LRMDA: variants seen among roughly 807,000 people sequenced by gnomAD.
The protein encoded by LRMDA is leucine rich melanocyte differentiation associated.
A neutral mutation model predicts 29.8 loss-of-function variants in LRMDA; 18 were observed. The observed-to-expected ratio is 0.60, with a 90% CI of 0.42 to 0.90. LRMDA has a LOEUF of 0.90. Among genes scored for constraint, LRMDA ranks in the 40% least tolerant of loss-of-function variants. The pLI, the probability that LRMDA is intolerant of heterozygous loss-of-function variation, is 0.00. For missense variants in LRMDA, 273 were observed against 273.9 expected (o/e 1.00, Z 0.02); for synonymous variants, 125 against 109.4 (o/e 1.14, Z -0.89).
chr10:75,707,268 A>G (rs1207623300), intron 2 of LRMDA, among the ~76,000 whole-genome samples: 3 of 152,178 alleles, frequency 2.0e-5, no homozygotes, highest in Non-Finnish European at 2.9e-5. Flanking sequence ...AGAAAAGAGA[A>G]TGGCCTTGCT....
chr10:76,021,388 C>A (rs11001586), intron 2 of LRMDA, among the ~76,000 whole-genome samples: 13,888 of 152,204 alleles, frequency 0.091, 903 homozygotes, highest in East Asian at 0.24. Flanking sequence ...AGGAATAAAA[C>A]CTAGAGGTCT....
chr10:75,500,173 G>T (rs1170409349), intron 2 of LRMDA, among the ~76,000 whole-genome samples: 1 of 152,106 alleles, frequency 6.6e-6, no homozygotes, highest in African/African-American at 2.4e-5. Flanking sequence ...AACCCCTGTT[G>T]CTCCTTACAG....
chr10:76,256,656 CA>C (rs1852599250), intron 5 of LRMDA, among the ~76,000 whole-genome samples: 1 of 152,168 alleles, frequency 6.6e-6, no homozygotes, highest in African/African-American at 2.4e-5. Context: ...AAAAAGCTGT[CA>C]ATCTAAGTTC....
intron 6 of LRMDA, among the ~76,000 whole-genome samples, chr10:76,389,413 G>A (rs1199961863): frequency 6.6e-6 from 1 of 152,108 alleles, no homozygotes; most frequent in African/African-American, 2.4e-5. Context: ...TGACTCTTCT[G>A]TTTTCCTCCT....
chr10:75,671,415 A>G (rs1277598000), intron 2 of LRMDA, among the ~76,000 whole-genome samples: 7 of 152,162 alleles, frequency 4.6e-5, no homozygotes, highest in Admixed American at 3.9e-4. Flanking sequence ...GACACCGTAG[A>G]TCTCCTTGAG....
intron 2 of LRMDA, among the ~76,000 whole-genome samples, chr10:75,917,223 C>T (rs188091224): frequency 2.7e-3 from 410 of 152,316 alleles, no homozygotes; most frequent in Non-Finnish European, 4.7e-3. Flanking sequence ...GATGGGATGT[C>T]AGCTGCTCCC....
chr10:76,314,723 A>G (rs1180220634), intron 5 of LRMDA, among the ~76,000 whole-genome samples: 2 of 152,230 alleles, frequency 1.3e-5, no homozygotes, highest in Non-Finnish European at 2.9e-5. Context: ...CCTGTGTTTA[A>G]CAACTGACCA....
At chr10:76,538,925 C>CCTTTT (rs201117443) in intron 6 of LRMDA, among the ~76,000 whole-genome samples, 2,023 of 152,154 alleles carry the variant, frequency 0.013, 48 homozygotes, top group African/African-American at 0.046. Context: ...TTCTCTCTTT[C>CCTTTT]CTTTTCTTTT....
At chr10:76,110,546 G>T (rs1384815407) in intron 5 of LRMDA, among the ~76,000 whole-genome samples, 3 of 152,128 alleles carry the variant, frequency 2.0e-5, no homozygotes, top group Non-Finnish European at 4.4e-5. Context: ...AACTTGAATT[G>T]TATCTCTCAG....
chr10:76,049,973 GC>G (rs1450239253), intron 4 of LRMDA, among the ~76,000 whole-genome samples: 1 of 152,126 alleles, frequency 6.6e-6, no homozygotes, highest in Non-Finnish European at 1.5e-5. Context: ...AATCATTTAA[GC>G]AATACTAGGA....
At chr10:76,487,841 C>T (rs1392253517) in intron 6 of LRMDA, among the ~76,000 whole-genome samples, 1 of 151,862 alleles carries the variant, frequency 6.6e-6, no homozygotes, top group African/African-American at 2.4e-5. Context: ...GTGTTCTAGA[C>T]TCTATGCTTT....
intron 6 of LRMDA, among the ~76,000 whole-genome samples, chr10:76,449,433 T>C (rs969021655): frequency 2.0e-5 from 3 of 151,886 alleles, no homozygotes; most frequent in Non-Finnish European, 1.5e-5. Context: ...GACTTATATA[T>C]TGTTGCTATC....
chr10:76,080,477 T>C (rs1564647492), intron 5 of LRMDA, among the ~76,000 whole-genome samples: 1 of 152,128 alleles, frequency 6.6e-6, no homozygotes, highest in Non-Finnish European at 1.5e-5. Context: ...GAAGACCCAA[T>C]GCACCAGCAC....
intron 2 of LRMDA, among the ~76,000 whole-genome samples, chr10:75,849,616 G>T (rs555185689): frequency 1.3e-5 from 2 of 152,124 alleles, no homozygotes. Flanking sequence ...GTGAGGTTGC[G>T]GGAGGGAGAG....
In LRMDA at chr10:75,501,333, C is replaced by G. The variant is rs189569083; in HGVS notation, c.131+62839C>G. Among the ~76,000 whole-genome samples the G allele has an allele frequency of 2.8e-3, 431 of 152,296 alleles. 6 individuals carry two copies. Among genetic ancestry groups the G allele is most frequent in the African/African-American group, 0.01 (419 of 41,560 alleles). On this transcript the variant is annotated intron_variant, in intron 2 of 6. Coordinates refer to ENST00000611255, the MANE Select transcript of LRMDA (RefSeq NM_001305581.2). ...ATTAAAAGGAATTCATATTTATACT[C>G]TTATAAAATGTGTTCCCAGTTGCTC...
At chr10:76,527,049 C>CA (rs34187065) in intron 6 of LRMDA, among the ~76,000 whole-genome samples, 4,835 of 105,468 alleles carry the variant, frequency 0.046, 122 homozygotes, top group Middle Eastern at 0.087. Context: ...TCAGGTCTGA[C>CA]AAAAAAAAAA....
intron 5 of LRMDA, among the ~76,000 whole-genome samples, chr10:76,151,230 G>A (rs751403303): frequency 1.3e-5 from 2 of 152,162 alleles, no homozygotes; most frequent in Non-Finnish European, 2.9e-5. Context: ...ATTTTCCTTT[G>A]CTGTTGGACA....
intron 2 of LRMDA, among the ~76,000 whole-genome samples, chr10:75,507,844 G>C (rs1030515247): frequency 6.6e-6 from 1 of 152,140 alleles, no homozygotes; most frequent in African/African-American, 2.4e-5. Flanking sequence ...GGCACAGAAG[G>C]TTCCCTTTAA....
intron 2 of LRMDA, among the ~76,000 whole-genome samples, chr10:75,516,557 T>C (rs1292195647): frequency 6.6e-6 from 1 of 152,192 alleles, no homozygotes; most frequent in Non-Finnish European, 1.5e-5. Flanking sequence ...GGTTGTTTTT[T>C]TTCTTGTTAA....
Sources: allele counts gnomAD v4.1 joint callset (sites outside exome capture counted in the v4.1 genomes callset), GRCh38; gene constraint gnomAD v4.1.1; transcripts MANE v1.5; gene names NCBI Gene and HGNC (gene_info 2026-07-23, HGNC 2026-07-21).